The following PLOD2 variants were observed in gnomAD, a reference collection of about 807,000 sequenced individuals.
The protein encoded by PLOD2 is lysine hydroxylase 2.
A neutral mutation model predicts 101.0 loss-of-function variants in PLOD2; 65 were observed. The ratio of observed to expected loss-of-function variants is 0.64; its 90% CI spans 0.53 to 0.79. PLOD2 has a LOEUF of 0.79. PLOD2 is among the 30% of genes least tolerant of loss of function. The probability of loss-of-function intolerance (pLI) is 0.00; values close to 1 mark genes in which losing one functional copy is unlikely to be tolerated. For missense variants in PLOD2, 909 were observed against 914.6 expected (o/e 0.99, Z 0.08); for synonymous variants, 314 against 302.9 (o/e 1.04, Z -0.38).
At position 146,086,833 on chromosome 3, in the gene PLOD2, C is replaced by G. The variant is rs779891909; in HGVS notation, c.1081G>C (p.Gly361Arg). ...KHEIKTIKIV[G>R]PEENLSQAEA... Reference sequence around the variant, plus strand: ...GCTTGACTTAGATTTTCTTCTGGTCCTACTATTTTTATAGTTTTGATTTCA... The same window carrying G: ...GCTTGACTTAGATTTTCTTCTGGTCGTACTATTTTTATAGTTTTGATTTCA... Residue 361 changes from glycine (G) to arginine (R), a missense_variant, in exon 10 of 20, where the codon GGA becomes CGA. Physicochemically the swap from Gly to Arg is moderately radical, Grantham distance 125 (BLOSUM62 -2). Coordinates refer to ENST00000282903, the MANE Select transcript of PLOD2 (RefSeq NM_182943.3). 6.5e-7 allele frequency: 1 copy of G among 1,532,450 alleles called. No homozygotes were observed. The highest frequency in any genetic ancestry group is 2.3e-5 in the East Asian group (1 of 43,220). The allele number at this position is 1,532,450 out of a possible 1,614,324, so 94.9% of individuals were successfully genotyped here. A position where few individuals can be genotyped will look rare whatever the true frequency, so the allele number is the denominator to read the frequency against.
intron 1 of PLOD2, among the ~76,000 whole-genome samples, chr3:146,142,136 A>G (rs1051367175): frequency 1.3e-5 from 2 of 152,122 alleles, no homozygotes; most frequent in African/African-American, 4.8e-5. Flanking sequence ...AAAGATGAGA[A>G]AAGTATTTAT....
intron 3 of PLOD2, among the ~76,000 whole-genome samples, chr3:146,116,668 G>C (rs1052629730): frequency 4.6e-5 from 7 of 152,034 alleles, no homozygotes; most frequent in Non-Finnish European, 1.0e-4. Flanking sequence ...AAAAAAGAAG[G>C]AAATCCTGTT....
chr3:146,104,110 T>C (rs1937487640), intron 6 of PLOD2, among the ~76,000 whole-genome samples, 169 bp downstream of exon 6: 1 of 152,238 alleles, frequency 6.6e-6, no homozygotes, highest in Admixed American at 6.5e-5. Flanking sequence ...TTTAATTTAA[T>C]GTACTGATGT....
At chr3:146,120,925 C>T (rs1576610565) in intron 3 of PLOD2, among the ~76,000 whole-genome samples, 187 bp downstream of exon 3, 1 of 152,060 alleles carries the variant, frequency 6.6e-6, no homozygotes, top group East Asian at 1.9e-4. Context: ...GTTTCACCAT[C>T]TTGGCCAGGC....
At chr3:146,133,833 G>A (rs2108113809) in intron 1 of PLOD2, among the ~76,000 whole-genome samples, 1 of 152,222 alleles carries the variant, frequency 6.6e-6, no homozygotes, top group East Asian at 1.9e-4. Context: ...ACTCAAAAAT[G>A]AGCCAAAATG....
chr3:146,115,295 T>A (rs1937854858), intron 3 of PLOD2, among the ~76,000 whole-genome samples: 1 of 152,174 alleles, frequency 6.6e-6, no homozygotes, highest in Admixed American at 6.5e-5. Flanking sequence ...GTGGTAAGTA[T>A]GCCTGGGTCC....
At chr3:146,144,019 G>A (rs2031652883) in intron 1 of PLOD2, among the ~76,000 whole-genome samples, 1 of 151,942 alleles carries the variant, frequency 6.6e-6, no homozygotes, top group African/African-American at 2.4e-5. Flanking sequence ...TTTATACTGT[G>A]GTCCCCGCTG....
rs1323985527 is a variant in PLOD2, at chr3:146,081,852, G to A, written c.1244C>T (p.Ala415Val). 6.2e-7 allele frequency: 1 copy of A among 1,612,342 alleles called. No homozygotes were observed. The highest frequency in any genetic ancestry group is 8.5e-7 in the Non-Finnish European group (1 of 1,178,762). The change falls in exon 12 of 20, where the codon GCT (alanine) becomes GTT (valine). Residue 415 changes from alanine to valine, a missense_variant. Physicochemically the swap from Ala to Val is moderately conservative, Grantham distance 64. Transcript: ENST00000282903. ...CTTTCCATGACGAGTTACAAGAGGA[G>A]CAATGATCTTTCTAAAGACAGAGAG... ...ILIEQNRKII[A>V]PLVTRHGKLW...
intron 4 of PLOD2, among the ~76,000 whole-genome samples, chr3:146,108,673 C>A (rs1022666116): frequency 1.4e-4 from 22 of 152,098 alleles, no homozygotes; most frequent in African/African-American, 5.3e-4. Context: ...ATTACTTTCC[C>A]ACTTAAAACA....
chr3:146,144,601 T>C (rs1458511455), intron 1 of PLOD2, among the ~76,000 whole-genome samples: 1 of 152,132 alleles, frequency 6.6e-6, no homozygotes, highest in Non-Finnish European at 1.5e-5. Context: ...TACAATATTA[T>C]TTTTGTTAGT....
intron 17 of PLOD2, 47 bp from the exon 18 acceptor site, chr3:146,071,470 T>A (rs1158858591): frequency 5.1e-6 from 8 of 1,554,536 alleles, no homozygotes; most frequent in Admixed American, 1.7e-5. Flanking sequence ...CACGTGCAAT[T>A]CCCATTTATA....
intron 1 of PLOD2, among the ~76,000 whole-genome samples, chr3:146,127,639 G>A (rs529613499): frequency 4.6e-5 from 7 of 152,070 alleles, no homozygotes; most frequent in Non-Finnish European, 7.4e-5. Flanking sequence ...ATAAACTTAT[G>A]AGTATAGGCG....
chr3:146,127,446 A>G (rs1384942784), intron 1 of PLOD2, among the ~76,000 whole-genome samples: 1 of 152,076 alleles, frequency 6.6e-6, no homozygotes, highest in Non-Finnish European at 1.5e-5. Flanking sequence ...TTTCCAAGTT[A>G]GCTCACATAG....
intron 1 of PLOD2, among the ~76,000 whole-genome samples, chr3:146,155,714 C>CA (rs766107067): frequency 0.011 from 598 of 53,100 alleles, 2 homozygotes; most frequent in African/African-American, 0.025. Context: ...GACTCTGTCT[C>CA]AAAAAAAAAA....
chr3:146,159,092 C>A (rs2032443745), intron 1 of PLOD2, among the ~76,000 whole-genome samples: 1 of 152,200 alleles, frequency 6.6e-6, no homozygotes. Context: ...GAACACCTAC[C>A]TACACCGAAA....
At chr3:146,107,168 A>G (rs1937549232) in intron 4 of PLOD2, among the ~76,000 whole-genome samples, 1 of 152,232 alleles carries the variant, frequency 6.6e-6, no homozygotes, top group African/African-American at 2.4e-5. Context: ...TTTATATCTA[A>G]GACATTTTGG....
chr3:146,089,606 A>AT (rs150047361), intron 8 of PLOD2, among the ~76,000 whole-genome samples: 2,128 of 151,648 alleles, frequency 0.014, 54 homozygotes, highest in African/African-American at 0.048. Context: ...ACCTTCTTCC[A>AT]TTTTTTCATA....
In PLOD2 at chr3:146,070,807, G is replaced by A. The variant is rs1936098801; in HGVS notation, c.2187C>T (p.Phe729=). ...SIESPRKGWS[F]MHPGRLTHLH... The stretch of plus-strand genomic sequence containing the variant: ...AATGTGTGAGTCTCCCAGGATGCAT[G>A]AAGCTCCAGCCTTTTCGTGGTGACT... Residue 729 remains phenylalanine (F), a synonymous_variant, in exon 20 of 20, where the codon TTC becomes TTT. Transcript: ENST00000282903. 1 of 1,610,322 alleles carries A rather than the reference G, an allele frequency of 6.2e-7. No individual in the cohort carries two copies. Among genetic ancestry groups the A allele is most frequent in the Non-Finnish European group, 8.5e-7 (1 of 1,177,308 alleles).
intron 3 of PLOD2, 130 bp from the exon 4 acceptor site, chr3:146,110,578 T>C: frequency 1.6e-6 from 1 of 628,530 alleles, no homozygotes; most frequent in Non-Finnish European, 2.7e-6. Flanking sequence ...GCCAACTATT[T>C]ACACAGAACA....
Sources: gnomAD v4.1 joint callset for allele counts (sites outside exome capture counted in the v4.1 genomes callset) on GRCh38, gnomAD v4.1.1 for gene constraint, MANE v1.5 for transcripts, NCBI Gene and HGNC (gene_info 2026-07-23, HGNC 2026-07-21) for gene names.